Variants in INTS6L observed in about 807,000 individuals in gnomAD.
INTS6L encodes the protein integrator complex subunit 6 like.
A neutral mutation model predicts 64.7 loss-of-function variants in INTS6L; 18 were observed. The observed-to-expected ratio is 0.28, with a 90% CI of 0.19 to 0.41. The LOEUF is 0.41. INTS6L is among the 10% of genes least tolerant of loss of function. The probability of loss-of-function intolerance (pLI) is 1.00; values close to 1 mark genes in which losing one functional copy is unlikely to be tolerated. For missense variants in INTS6L, 533 were observed against 661.0 expected, an observed-to-expected ratio of 0.81 and a Z score of 2.12; for synonymous variants, 227 against 235.9, an observed-to-expected ratio of 0.96 and a Z score of 0.34.
chrX:135,537,040 C>T (rs2086075026), intron 2 of INTS6L, among the ~76,000 whole-genome samples: 2 of 112,173 alleles, frequency 1.8e-5, no homozygotes, highest in African/African-American at 6.5e-5. Context: ...CAGCAACAGG[C>T]CTGCAGAGAG....
intron 9 of INTS6L, among the ~76,000 whole-genome samples, chrX:135,557,236 TAAA>T (rs2086667325): frequency 8.9e-6 from 1 of 111,868 alleles, no homozygotes; most frequent in Non-Finnish European, 1.9e-5. Context: ...AGACAGCCAG[TAAA>T]AAAGTGTCTG....
At chrX:135,574,531 G>C (rs782077367) in intron 13 of INTS6L, among the ~76,000 whole-genome samples, 46 of 111,647 alleles carry the variant, frequency 4.1e-4, no homozygotes, top group African/African-American at 1.5e-3. Flanking sequence ...TGGTATCCAG[G>C]ATAATTGTGA....
intron 14 of INTS6L, among the ~76,000 whole-genome samples, chrX:135,575,586 C>T (rs1252483953): frequency 1.8e-5 from 2 of 112,482 alleles, no homozygotes; most frequent in Non-Finnish European, 3.8e-5. Context: ...TTTGAATCCA[C>T]GTCTTTCTCA....
chrX:135,581,567 A>G lies in INTS6L; in HGVS notation c.2628A>G (p.Val876=). 1 of 1,210,456 alleles carries G rather than the reference A, an allele frequency of 8.3e-7. No individual in the cohort carries two copies. The highest frequency in any genetic ancestry group is 1.1e-6 in the Non-Finnish European group (1 of 894,528). Residue 876 remains valine, a synonymous_variant, in exon 18 of 18, where the codon GTA becomes GTG. Coordinates refer to ENST00000639893, the MANE Select transcript of INTS6L (RefSeq NM_001351601.3). ...TCCTAATTCAGTACCTTGAGAAGGT[A>G]CTAGAAAAAATAAATTCCCACCACC... The part of the protein sequence containing the change: ...RRVLIQYLEK[V]LEKINSHHLH...
chrX:135,565,221 G>C (rs1296263086), intron 9 of INTS6L, among the ~76,000 whole-genome samples: 2 of 111,988 alleles, frequency 1.8e-5, no homozygotes, highest in Non-Finnish European at 3.8e-5. Context: ...CCTTTAACTA[G>C]AGTAGCTGGT....
intron 2 of INTS6L, among the ~76,000 whole-genome samples, chrX:135,533,268 G>A (rs2085956655): frequency 8.9e-6 from 1 of 111,773 alleles, no homozygotes; most frequent in African/African-American, 3.3e-5. Flanking sequence ...CAATACTTTG[G>A]AAGAGTGAGA....
At chrX:135,538,970 G>T (rs571088599) in intron 2 of INTS6L, among the ~76,000 whole-genome samples, 2 of 112,428 alleles carry the variant, frequency 1.8e-5, no homozygotes, top group South Asian at 7.4e-4. Context: ...AGGTTTTGTT[G>T]TTCCATTGCT....
chrX:135,548,225 G>C (rs1387802582), intron 6 of INTS6L, among the ~76,000 whole-genome samples: 8 of 110,995 alleles, frequency 7.2e-5, no homozygotes, highest in Non-Finnish European at 1.3e-4. Context: ...ATCTTTTGTT[G>C]TTGTTGTTAT....
intron 14 of INTS6L, among the ~76,000 whole-genome samples, chrX:135,576,581 C>T (rs782630080): frequency 1.8e-5 from 2 of 111,305 alleles, no homozygotes; most frequent in Non-Finnish European, 3.8e-5. Context: ...TTCTATACTG[C>T]TGCCTCTCAT....
At chrX:135,554,344 T>A (rs1569511376) in intron 8 of INTS6L, among the ~76,000 whole-genome samples, 1 of 112,165 alleles carries the variant, frequency 8.9e-6, no homozygotes, top group Non-Finnish European at 1.9e-5. Context: ...ATTTTTCCTC[T>A]CTTCTAATAT....
At position 135,521,302 on chromosome X, in the gene INTS6L, C is replaced by T. The variant is rs782687369; in HGVS notation, c.173C>T (p.Pro58Leu). The change falls in exon 2 of 18, where the codon CCC becomes CTC. Residue 58 changes from proline to leucine, a missense_variant. Coordinates refer to ENST00000639893, the MANE Select transcript of INTS6L (RefSeq NM_001351601.3). ...TACATGCTGGTCACCTACGACGAACCCCCGTACTGCATCAAGGTAAAGGGG... is the reference window on the plus strand; with the variant it reads ...TACATGCTGGTCACCTACGACGAACTCCCGTACTGCATCAAGGTAAAGGGG... The part of the protein sequence containing the change: ...DRYMLVTYDE[P>L]PYCIKAGWKE... The T allele has an allele frequency of 1.7e-6, 2 of 1,204,692 alleles. No homozygotes were observed. Among genetic ancestry groups the T allele is most frequent in the Non-Finnish European group, 2.2e-6 (2 of 892,134 alleles).
chrX:135,545,346 C>G (rs782069660), intron 2 of INTS6L, 77 bp from the exon 3 acceptor site: 152 of 1,113,175 alleles, frequency 1.4e-4, no homozygotes, highest in Non-Finnish European at 1.8e-4. Flanking sequence ...AGTTTTGATA[C>G]TTGCTGTTTA....
chrX:135,561,790 T>TG (rs2086795220), intron 9 of INTS6L, among the ~76,000 whole-genome samples: 1 of 111,842 alleles, frequency 8.9e-6, no homozygotes, highest in Non-Finnish European at 1.9e-5. Context: ...TTTGTCCATT[T>TG]TATCTAAGTT....
intron 16 of INTS6L, among the ~76,000 whole-genome samples, 185 bp from the exon 17 acceptor site, chrX:135,580,865 C>T (rs781861413): frequency 8.9e-6 from 1 of 112,807 alleles, no homozygotes; most frequent in South Asian, 3.6e-4. Flanking sequence ...CAGCCTGCTA[C>T]ATTTGGTTAG....
intron 17 of INTS6L, 133 bp downstream of exon 17, chrX:135,581,276 T>A: frequency 2.0e-6 from 1 of 503,754 alleles, no homozygotes; most frequent in Non-Finnish European, 3.2e-6. Flanking sequence ...TAGTTAAGGC[T>A]GTCTCCAGAA....
chrX:135,557,613 C>T, intron 9 of INTS6L, among the ~76,000 whole-genome samples: 1 of 112,064 alleles, frequency 8.9e-6, no homozygotes, highest in South Asian at 3.7e-4. Context: ...ACTGTAGGTA[C>T]TATGCTAGAA....
chrX:135,552,359 G>C (rs1257935069), intron 8 of INTS6L, among the ~76,000 whole-genome samples: 1 of 111,959 alleles, frequency 8.9e-6, no homozygotes, highest in Non-Finnish European at 1.9e-5. Flanking sequence ...TAAAGCAATA[G>C]AGTCTGATGA....
intron 5 of INTS6L, 101 bp downstream of exon 5, chrX:135,546,986 C>G (rs2086374588): frequency 9.1e-7 from 1 of 1,103,167 alleles, no homozygotes; most frequent in East Asian, 3.1e-5. Context: ...CCTTCAAAGC[C>G]TTTTAACTCT....
intron 2 of INTS6L, among the ~76,000 whole-genome samples, chrX:135,539,868 G>A (rs1429030267): frequency 1.8e-5 from 2 of 111,476 alleles, no homozygotes; most frequent in Non-Finnish European, 3.8e-5. Flanking sequence ...TATCGATTAA[G>A]TTCACTGCCC....
Sources: allele counts gnomAD v4.1 joint callset (sites outside exome capture counted in the v4.1 genomes callset), GRCh38; gene constraint gnomAD v4.1.1; transcripts MANE v1.5; gene names NCBI Gene and HGNC (gene_info 2026-07-23, HGNC 2026-07-21).